Variants in RB1 observed in about 807,000 individuals in gnomAD.
RB1 encodes the protein RB transcriptional corepressor 1.
A neutral mutation model predicts 135.4 loss-of-function variants in RB1; 18 were observed. That is an observed-to-expected ratio of 0.13 (90% CI 0.09 to 0.20). The LOEUF (loss-of-function observed/expected upper bound fraction) is 0.20. RB1 is among the 10% of genes least tolerant of loss of function. The pLI, the probability that RB1 is intolerant of heterozygous loss-of-function variation, is 1.00. For missense variants in RB1, 868 were observed against 1,110.0 expected (o/e 0.78, Z 3.10); for synonymous variants, 365 against 373.2 (o/e 0.98, Z 0.25).
chr13:48,418,908 A>G (rs1209990142), intron 17 of RB1, among the ~76,000 whole-genome samples: 1 of 152,084 alleles, frequency 6.6e-6, no homozygotes, highest in Non-Finnish European at 1.5e-5. Context: ...GAGACCTACA[A>G]AGAGACTTAG....
intron 18 of RB1, among the ~76,000 whole-genome samples, chr13:48,455,313 T>C (rs1949353428): frequency 6.6e-6 from 1 of 152,172 alleles, no homozygotes; most frequent in Non-Finnish European, 1.5e-5. Flanking sequence ...CGAGTAGTTA[T>C]ATCCGGTAGG....
intron 17 of RB1, chr13:48,408,607 C>G (rs987650840): frequency 1.0e-3 from 153 of 152,144 alleles, no homozygotes; most frequent in African/African-American, 3.6e-3. Context: ...AGAAAACCCT[C>G]AGAATATATG....
At chr13:48,442,098 A>T (rs964366143) in intron 17 of RB1, among the ~76,000 whole-genome samples, 1 of 152,216 alleles carries the variant, frequency 6.6e-6, no homozygotes, top group Non-Finnish European at 1.5e-5. Flanking sequence ...CTTTCATCAT[A>T]TTCAGACATG....
rs901699589 is a variant in RB1 at position 48,319,152 on chromosome 13, G to T, written c.264+11746G>T. ...TTGGTTTCCTTCGGGAGCTTGTGGG[G>T]AATGGTCAGCGTCTAGGCACCCCGG... On this transcript the variant is annotated intron_variant, in intron 2 of 26. Transcript: ENST00000267163. The surrounding 1 kb of genome is among the most constrained non-coding windows in gnomAD (Gnocchi z 5.0). 8.3e-6 allele frequency: 5 copies of T among 603,320 alleles called. No homozygotes were observed. The highest frequency in any genetic ancestry group is 1.5e-5 in the Non-Finnish European group (5 of 333,374). 37.4% of individuals were successfully genotyped at this position (603,320 alleles called of 1,614,324 possible).
intron 26 of RB1, among the ~76,000 whole-genome samples, chr13:48,479,088 C>T (rs1446616642): frequency 6.6e-6 from 1 of 152,000 alleles, no homozygotes; most frequent in Admixed American, 6.6e-5. Flanking sequence ...ATTAGCCAGG[C>T]CTGGTGGCAT....
At chr13:48,449,953 T>G (rs1949315961) in intron 17 of RB1, among the ~76,000 whole-genome samples, 1 of 152,182 alleles carries the variant, frequency 6.6e-6, no homozygotes, top group Non-Finnish European at 1.5e-5. Flanking sequence ...CTTTGCCCAC[T>G]TTTGAATGGA....
At chr13:48,339,571 C>T (rs1423561501) in intron 2 of RB1, among the ~76,000 whole-genome samples, 1 of 152,194 alleles carries the variant, frequency 6.6e-6, no homozygotes, top group Non-Finnish European at 1.5e-5. Context: ...TGCCATCTGT[C>T]ACAGCTTCCC....
In RB1 at chr13:48,435,599, T is replaced by G. The variant is rs149079742; in HGVS notation, c.1696-17394T>G. On this transcript the variant is annotated intron_variant, in intron 17 of 26. Coordinates refer to ENST00000267163, the MANE Select transcript of RB1 (RefSeq NM_000321.3). ...AAAGTCCAGTTTATCACTTTTTCCT[T>G]TTATGGATTATGCTTTTGGTGTCAA... Among the ~76,000 whole-genome samples the G allele has an allele frequency of 4.1e-4, 62 of 152,302 alleles. No homozygotes were observed. In the Middle Eastern group the frequency reaches 0.01, roughly 25 times the overall value.
chr13:48,467,287 A>G (rs1949452100), intron 23 of RB1, among the ~76,000 whole-genome samples: 1 of 126,490 alleles, frequency 7.9e-6, no homozygotes, highest in African/African-American at 2.9e-5. Context: ...TTCAACCCAG[A>G]ATTTCATATC....
At chr13:48,406,965 T>C (rs778939308) in intron 17 of RB1, among the ~76,000 whole-genome samples, 3 of 152,220 alleles carry the variant, frequency 2.0e-5, no homozygotes, top group South Asian at 2.1e-4. Context: ...ATTGTGTCTG[T>C]TGTTTAGTCT....
At chr13:48,365,852 A>T (rs569613065) in intron 9 of RB1, among the ~76,000 whole-genome samples, 13 of 152,346 alleles carry the variant, frequency 8.5e-5, no homozygotes, top group African/African-American at 3.1e-4. Context: ...GAAATAGAGC[A>T]TTACAGGAGT....
At chr13:48,457,498 C>CCTCACT (rs1949368127) in intron 19 of RB1, among the ~76,000 whole-genome samples, 1 of 152,188 alleles carries the variant, frequency 6.6e-6, no homozygotes, top group African/African-American at 2.4e-5. Flanking sequence ...TACCACAAGT[C>CCTCACT]CTCACTCCTG....
intron 17 of RB1, among the ~76,000 whole-genome samples, chr13:48,397,667 A>C (rs764802900): frequency 6.6e-6 from 1 of 152,098 alleles, no homozygotes; most frequent in Non-Finnish European, 1.5e-5. Context: ...TATTTAAAAT[A>C]TATCTTTCAA....
intron 5 of RB1, among the ~76,000 whole-genome samples, chr13:48,348,326 G>A (rs756053832): frequency 2.0e-5 from 3 of 151,868 alleles, no homozygotes; most frequent in Non-Finnish European, 4.4e-5. Context: ...AACAGAATGA[G>A]TAGTACATGA....
At chr13:48,309,667 T>G (rs1034543247) in intron 2 of RB1, among the ~76,000 whole-genome samples, 1 of 152,206 alleles carries the variant, frequency 6.6e-6, no homozygotes, top group Admixed American at 6.5e-5. Context: ...GGATAGCTGA[T>G]TATAAAGAGC....
At chr13:48,406,916 G>A (rs1948745270) in intron 17 of RB1, among the ~76,000 whole-genome samples, 1 of 149,368 alleles carries the variant, frequency 6.7e-6, no homozygotes, top group African/African-American at 2.6e-5. Context: ...CAAACAAACA[G>A]GGTTCTTACC....
At chr13:48,475,719 G>T (rs1949500059) in intron 24 of RB1, among the ~76,000 whole-genome samples, 1 of 152,190 alleles carries the variant, frequency 6.6e-6, no homozygotes, top group South Asian at 2.1e-4. Flanking sequence ...AGGAGGTGGG[G>T]TCATTGGGAG....
intron 17 of RB1, among the ~76,000 whole-genome samples, chr13:48,442,535 G>A (rs138271173): frequency 1.1e-3 from 163 of 152,200 alleles, no homozygotes; most frequent in Middle Eastern, 3.4e-3. Flanking sequence ...ACTGTACTTA[G>A]GATAAATTCC....
At chr13:48,412,245 GC>G in intron 17 of RB1, 1 of 1,613,980 alleles carries the variant, frequency 6.2e-7, no homozygotes, top group South Asian at 1.1e-5. Context: ...GTCTGACATT[GC>G]CAAGTTAATC....
Sources: allele counts gnomAD v4.1 joint callset (sites outside exome capture counted in the v4.1 genomes callset), GRCh38; gene constraint gnomAD v4.1.1; non-coding constraint Gnocchi (gnomAD v3.1); transcripts MANE v1.5; gene names NCBI Gene and HGNC (gene_info 2026-07-23, HGNC 2026-07-21).